PDE3B: variants seen among roughly 807,000 people sequenced by gnomAD.
PDE3B encodes phosphodiesterase 3B, also known as cGMP-inhibited 3',5'-cyclic phosphodiesterase 3B.
PDE3B carries 66 observed loss-of-function variants against 116.8 expected under a neutral mutation model. The observed-to-expected ratio is 0.56, with a 90% CI of 0.46 to 0.69. The LOEUF (loss-of-function observed/expected upper bound fraction) is 0.69. Among genes scored for constraint, PDE3B ranks in the 30% least tolerant of loss-of-function variants. The pLI is 0.00. For synonymous variants in PDE3B, 595 were observed against 533.6 expected, an observed-to-expected ratio of 1.12 and a Z score of -1.59; for missense variants, 1,384 against 1,368.1, an observed-to-expected ratio of 1.01 and a Z score of -0.18.
At chr11:14,776,430 C>G (rs1857787071) in intron 2 of PDE3B, 1 of 152,268 alleles carries the variant, frequency 6.6e-6, no homozygotes, top group Non-Finnish European at 1.5e-5. Flanking sequence ...TTTCTCTCCC[C>G]TAAAGGTACC....
intron 8 of PDE3B, 62 bp downstream of exon 8, chr11:14,830,908 T>G: frequency 2.7e-6 from 3 of 1,112,338 alleles, no homozygotes; most frequent in South Asian, 2.8e-5. Context: ...TAGTACTGGT[T>G]TCATTACTTT....
rs1005093819 is a variant in PDE3B, at chr11:14,682,786, GT to G, written c.978+37743del. On this transcript the variant is annotated intron_variant, in intron 1 of 15. Transcript: ENST00000282096. ...GGACATAGGCCTGTAGTTTTTTGTT[GT>G]TTTTTTTTTAATACCTTTTTTGGTA... Among the ~76,000 whole-genome samples, 531 of 144,364 alleles carry G rather than the reference GT, an allele frequency of 3.7e-3. 6 individuals are homozygous for G. Among genetic ancestry groups the G allele is most frequent in the African/African-American group, 0.012 (492 of 39,438 alleles). 94.7% of individuals were successfully genotyped at this position (144,364 alleles called of 152,430 possible).
chr11:14,758,270 T>C (rs2133883855), intron 1 of PDE3B, among the ~76,000 whole-genome samples: 1 of 150,370 alleles, frequency 6.7e-6, no homozygotes, highest in South Asian at 2.1e-4. Context: ...TGGCTTAGGA[T>C]TGACTTGGCG....
At chr11:14,693,553 A>G (rs771706137) in intron 1 of PDE3B, among the ~76,000 whole-genome samples, 2 of 152,158 alleles carry the variant, frequency 1.3e-5, no homozygotes, top group African/African-American at 4.8e-5. Flanking sequence ...AATCTACTCT[A>G]CTTGAGCCCT....
intron 1 of PDE3B, 31 bp from the exon 2 acceptor site, chr11:14,771,906 G>T: frequency 9.4e-7 from 1 of 1,064,284 alleles, no homozygotes; most frequent in Non-Finnish European, 1.3e-6. Flanking sequence ...GTTTATTTTT[G>T]GTTTGTAACC....
At chr11:14,837,856 C>G (rs570806703) in intron 11 of PDE3B, among the ~76,000 whole-genome samples, 3 of 152,310 alleles carry the variant, frequency 2.0e-5, no homozygotes, top group Admixed American at 6.5e-5. Flanking sequence ...CTGTCCTATT[C>G]TCACTGCACT....
the PDE3B span, among the ~76,000 whole-genome samples, chr11:14,888,390 C>T: frequency 6.6e-6 from 1 of 152,182 alleles, no homozygotes; most frequent in African/African-American, 2.4e-5. Flanking sequence ...ATTATTATAA[C>T]ATCATGGGCT....
chr11:14,840,628 T>C (rs1860192455), intron 11 of PDE3B, among the ~76,000 whole-genome samples: 1 of 152,230 alleles, frequency 6.6e-6, no homozygotes, highest in South Asian at 2.1e-4. Context: ...TTATAAATAG[T>C]TCTGCCCAAT....
chr11:14,806,217 C>T lies in PDE3B; in HGVS notation c.1522+2167C>T, dbSNP rs556455671. Reference sequence around the variant, plus strand: ...CCTGTAATCCCAGCACTTTGGGAGGCCAAGGCAGGCGGATCATGAGGTCAG... The same window carrying T: ...CCTGTAATCCCAGCACTTTGGGAGGTCAAGGCAGGCGGATCATGAGGTCAG... On this transcript the variant is annotated intron_variant, in intron 5 of 15. Coordinates refer to ENST00000282096, the MANE Select transcript of PDE3B (RefSeq NM_000922.4). 4.0e-5 allele frequency among the ~76,000 whole-genome samples: 6 copies of T among 151,840 alleles called. No homozygotes were observed. The South Asian group carries it at 1.3e-3, about 32-fold the overall frequency.
chr11:14,656,593 G>A (rs958132758), intron 1 of PDE3B, among the ~76,000 whole-genome samples: 1 of 152,132 alleles, frequency 6.6e-6, no homozygotes, highest in Non-Finnish European at 1.5e-5. Context: ...TGGACAAGTT[G>A]TTTAACTTCT....
chr11:14,807,549 T>G (rs574152556), intron 5 of PDE3B, among the ~76,000 whole-genome samples: 1 of 151,886 alleles, frequency 6.6e-6, no homozygotes, highest in East Asian at 1.9e-4. Context: ...AAAAAAAGCT[T>G]GAATAATTCA....
At chr11:14,769,291 TA>T (rs1857573785) in intron 1 of PDE3B, among the ~76,000 whole-genome samples, 1 of 151,376 alleles carries the variant, frequency 6.6e-6, no homozygotes, top group Admixed American at 6.6e-5. Flanking sequence ...TGTAAAAATA[TA>T]ATATTGAAAT....
At chr11:14,721,191 C>G (rs1300905736) in intron 1 of PDE3B, among the ~76,000 whole-genome samples, 6 of 152,188 alleles carry the variant, frequency 3.9e-5, no homozygotes, top group African/African-American at 1.4e-4. Flanking sequence ...TCATCACTGG[C>G]CATCAGAGAA....
At chr11:14,714,626 G>A (rs1289583591) in intron 1 of PDE3B, among the ~76,000 whole-genome samples, 1 of 151,966 alleles carries the variant, frequency 6.6e-6, no homozygotes, top group Non-Finnish European at 1.5e-5. Context: ...CATTTCCTGG[G>A]ATGACTGATG....
the PDE3B span, chr11:14,877,889 A>G: frequency 7.8e-6 from 4 of 510,842 alleles, no homozygotes; most frequent in South Asian, 8.7e-5. Flanking sequence ...AACACCCATC[A>G]TTTGCACCTT....
intron 5 of PDE3B, among the ~76,000 whole-genome samples, chr11:14,815,964 C>T (rs1859314931): frequency 6.6e-6 from 1 of 151,664 alleles, no homozygotes; most frequent in African/African-American, 2.4e-5. Flanking sequence ...CACACACACA[C>T]ACACACGCAG....
intron 11 of PDE3B, among the ~76,000 whole-genome samples, chr11:14,837,796 G>A (rs1431632838): frequency 2.0e-5 from 3 of 152,108 alleles, no homozygotes; most frequent in Non-Finnish European, 4.4e-5. Context: ...AATAGCTATT[G>A]CAATGGAAAA....
At chr11:14,716,230 A>C (rs1208625509) in intron 1 of PDE3B, among the ~76,000 whole-genome samples, 1 of 152,130 alleles carries the variant, frequency 6.6e-6, no homozygotes, top group African/African-American at 2.4e-5. Context: ...AAAACGGCGC[A>C]CCACGAGACT....
chr11:14,786,397 A>G (rs1451247844), intron 2 of PDE3B, 40 bp from the exon 3 acceptor site: 27 of 1,483,448 alleles, frequency 1.8e-5, no homozygotes, highest in Non-Finnish European at 2.4e-5. Context: ...CATTTATGCC[A>G]TGTACAAATG....
Sources: gnomAD v4.1 joint callset for allele counts (sites outside exome capture counted in the v4.1 genomes callset) on GRCh38, gnomAD v4.1.1 for gene constraint, MANE v1.5 for transcripts, NCBI Gene and HGNC (gene_info 2026-07-23, HGNC 2026-07-21) for gene names.